CPNE4: variants seen among roughly 807,000 people sequenced by gnomAD.
CPNE4 encodes the protein copine-4.
CPNE4 carries 25 observed loss-of-function variants against 67.9 expected under a neutral mutation model. That is an observed-to-expected ratio of 0.37 (90% CI 0.27 to 0.51). CPNE4 has a LOEUF of 0.51. Ranked by LOEUF, CPNE4 falls within the 20% of genes least tolerant of loss-of-function variation. The pLI, the probability that CPNE4 is intolerant of heterozygous loss-of-function variation, is 0.93. For missense variants in CPNE4, 464 were observed against 690.8 expected (o/e 0.67, Z 3.68); for synonymous variants, 242 against 244.9 (o/e 0.99, Z 0.11).
intron 2 of CPNE4, among the ~76,000 whole-genome samples, chr3:131,769,517 G>GA (rs1176313517): frequency 2.0e-5 from 3 of 152,064 alleles, no homozygotes; most frequent in East Asian, 3.9e-4. Flanking sequence ...GTTATGTCCA[G>GA]AAAAAAATGA....
At position 131,893,720 on chromosome 3, in the gene CPNE4, G is replaced by A. The variant is rs965322398; in HGVS notation, c.180+11544C>T. On this transcript the variant is annotated intron_variant, in intron 2 of 15. Coordinates refer to ENST00000429747, the MANE Select transcript of CPNE4 (RefSeq NM_130808.3). Reference sequence around the variant, plus strand: ...CAGCACGCTCTTAAACAACCAATGGGTCAATGAAGAAATTAAAAAGGAAAT... The same window carrying A: ...CAGCACGCTCTTAAACAACCAATGGATCAATGAAGAAATTAAAAAGGAAAT... 7.9e-5 allele frequency among the ~76,000 whole-genome samples: 12 copies of A among 151,928 alleles called. No individual in the cohort carries two copies. In the East Asian group the frequency reaches 2.1e-3, roughly 27 times the overall value.
chr3:131,742,831 C>T lies in CPNE4; in HGVS notation c.181-19206G>A, dbSNP rs1465462443. ...ACCTTAGAAAGCAACTGAAAGAACA[C>T]TTCCCACCAAAACCTATGGGAATGA... On this transcript the variant is annotated intron_variant, in intron 2 of 15. Transcript: ENST00000429747. Among the ~76,000 whole-genome samples, 3 of 152,094 alleles carry T rather than the reference C, an allele frequency of 2.0e-5. No homozygotes were observed. The East Asian group carries it at 5.8e-4, about 29-fold the overall frequency.
intron 1 of CPNE4, among the ~76,000 whole-genome samples, chr3:132,030,483 C>G (rs1042427944): frequency 1.3e-5 from 2 of 152,284 alleles, no homozygotes; most frequent in South Asian, 4.1e-4. Context: ...AGAGATGAGT[C>G]CATCACAGAT....
chr3:131,709,022 C>A, intron 3 of CPNE4, among the ~76,000 whole-genome samples: 1 of 111,932 alleles, frequency 8.9e-6, no homozygotes, highest in African/African-American at 3.3e-5. Flanking sequence ...ATATAATACT[C>A]ATAAAAATGT....
chr3:131,781,874 C>T (rs992509876), intron 2 of CPNE4, among the ~76,000 whole-genome samples: 2 of 152,108 alleles, frequency 1.3e-5, no homozygotes, highest in Non-Finnish European at 2.9e-5. Flanking sequence ...CCTCACCACC[C>T]AGGCCCTACT....
intron 1 of CPNE4, among the ~76,000 whole-genome samples, chr3:132,027,531 ACAAT>A (rs1247657393): frequency 6.6e-6 from 1 of 151,808 alleles, no homozygotes; most frequent in Non-Finnish European, 1.5e-5. Context: ...AATACAATTC[ACAAT>A]CAGTCAAGTC....
intron 2 of CPNE4, among the ~76,000 whole-genome samples, chr3:131,844,569 T>A (rs896824344): frequency 6.6e-5 from 10 of 152,188 alleles, no homozygotes; most frequent in African/African-American, 2.4e-4. Context: ...CTGTATGTTC[T>A]TATATGCAAT....
At chr3:131,881,739 G>A (rs1355780) in intron 2 of CPNE4, among the ~76,000 whole-genome samples, 3 of 151,864 alleles carry the variant, frequency 2.0e-5, no homozygotes, top group African/African-American at 4.8e-5. Context: ...AGAATGAATC[G>A]TTTTTAAGAA....
chr3:131,731,691 C>T (rs1407312741), intron 2 of CPNE4, among the ~76,000 whole-genome samples: 1 of 152,096 alleles, frequency 6.6e-6, no homozygotes, highest in African/African-American at 2.4e-5. Context: ...TCTTCATGGT[C>T]CAAACTAGCC....
intron 2 of CPNE4, among the ~76,000 whole-genome samples, chr3:131,723,859 TG>T (rs1356545835): frequency 1.3e-5 from 2 of 152,172 alleles, no homozygotes; most frequent in African/African-American, 4.8e-5. Flanking sequence ...TAGAGCTCAT[TG>T]TATGAGTTTG....
At chr3:131,906,318 A>G (rs965748911) in intron 1 of CPNE4, among the ~76,000 whole-genome samples, 9 of 151,598 alleles carry the variant, frequency 5.9e-5, no homozygotes, top group Non-Finnish European at 1.5e-5. Context: ...TTAGTTACAT[A>G]TGTATACATG....
intron 3 of CPNE4, among the ~76,000 whole-genome samples, chr3:131,716,593 C>T (rs1282369244): frequency 6.6e-6 from 1 of 152,144 alleles, no homozygotes; most frequent in Admixed American, 6.5e-5. Context: ...CCCCTTTGTT[C>T]TGAAAACATG....
At chr3:131,714,860 C>T (rs1451671271) in intron 3 of CPNE4, among the ~76,000 whole-genome samples, 3 of 152,108 alleles carry the variant, frequency 2.0e-5, no homozygotes, top group Non-Finnish European at 4.4e-5. Context: ...CAGAGGACTC[C>T]TGACAGCCCA....
chr3:131,849,382 G>A (rs1424327113), intron 2 of CPNE4, among the ~76,000 whole-genome samples: 2 of 152,064 alleles, frequency 1.3e-5, no homozygotes, highest in Admixed American at 6.6e-5. Context: ...CTCAGGAAAC[G>A]TTCAATCGTG....
chr3:131,764,576 C>T (rs2082963995), intron 2 of CPNE4, among the ~76,000 whole-genome samples: 1 of 152,062 alleles, frequency 6.6e-6, no homozygotes. Flanking sequence ...TCCCACATTC[C>T]TGCTAGCAGT....
chr3:131,803,234 T>C (rs1035922226), intron 2 of CPNE4, among the ~76,000 whole-genome samples: 2 of 152,194 alleles, frequency 1.3e-5, no homozygotes, highest in Non-Finnish European at 1.5e-5. Context: ...ATGGTTATGA[T>C]TGCACCCACA....
In CPNE4 at chr3:131,624,268, T is replaced by C. The variant is rs147716965; in HGVS notation, c.682-36686A>G. Reference sequence around the variant, plus strand: ...CTCTCTTCCTTGTGACTGTGTCCCATTGCTACATATGGCCTTAGAACATAG... The same window carrying C: ...CTCTCTTCCTTGTGACTGTGTCCCACTGCTACATATGGCCTTAGAACATAG... On this transcript the variant is annotated intron_variant, in intron 7 of 15. Coordinates refer to ENST00000429747, the MANE Select transcript of CPNE4 (RefSeq NM_130808.3). Among the ~76,000 whole-genome samples the C allele has an allele frequency of 5.3e-4, 80 of 152,316 alleles. 1 individual carries two copies. Among genetic ancestry groups the C allele is most frequent in the East Asian group, 5.0e-3 (26 of 5,180 alleles).
rs375334065 is a variant in CPNE4 at position 131,832,861 on chromosome 3, T to A, written c.180+72403A>T. Among the ~76,000 whole-genome samples the A allele has an allele frequency of 1.8e-4, 28 of 152,316 alleles. 1 individual carries two copies. The South Asian group carries it at 5.8e-3, about 32-fold the overall frequency. On this transcript the variant is annotated intron_variant, in intron 2 of 15. Transcript: ENST00000429747. The stretch of plus-strand genomic sequence containing the variant: ...TAATGAATGTATTTTGCATGAGAAG[T>A]ACACAAATTTTGGAGGACCAGGGGC...
At chr3:131,930,446 T>A (rs1032729146) in intron 1 of CPNE4, among the ~76,000 whole-genome samples, 5 of 119,086 alleles carry the variant, frequency 4.2e-5, no homozygotes, top group Non-Finnish European at 8.6e-5. Context: ...ATTTCCAATT[T>A]AAAAAAAACA....
Sources: gnomAD v4.1 joint callset for allele counts (sites outside exome capture counted in the v4.1 genomes callset) on GRCh38, gnomAD v4.1.1 for gene constraint, MANE v1.5 for transcripts, NCBI Gene and HGNC (gene_info 2026-07-23, HGNC 2026-07-21) for gene names.